Variants in CAPRIN1 observed in about 807,000 individuals in gnomAD.
CAPRIN1 encodes the protein caprin-1.
Under a neutral mutation model 100.9 loss-of-function variants are expected in CAPRIN1, and 29 were observed. The observed-to-expected ratio is 0.29, with a 90% CI of 0.21 to 0.39. The LOEUF is 0.39. Among genes scored for constraint, CAPRIN1 ranks in the 10% least tolerant of loss-of-function variants. The pLI, the probability that CAPRIN1 is intolerant of heterozygous loss-of-function variation, is 1.00. For missense variants in CAPRIN1, 795 were observed against 876.7 expected (o/e 0.91, Z 1.18); for synonymous variants, 338 against 307.5 (o/e 1.10, Z -1.04).
chr11:34,083,449 C>G (rs998300560), intron 9 of CAPRIN1, among the ~76,000 whole-genome samples: 3 of 152,176 alleles, frequency 2.0e-5, no homozygotes, highest in Admixed American at 1.3e-4. Context: ...AATGCTGTCT[C>G]TCAACTGATA....
At chr11:34,080,402 A>G (rs1163493682) in intron 7 of CAPRIN1, among the ~76,000 whole-genome samples, 2 of 152,150 alleles carry the variant, frequency 1.3e-5, no homozygotes, top group African/African-American at 4.8e-5. Flanking sequence ...GGATTTTCAA[A>G]TAGGTTTCTG....
In CAPRIN1 at chr11:34,090,411, T is replaced by A. The variant is rs1851239304; in HGVS notation, c.1405-118T>A. 22 of 1,325,070 alleles carry A rather than the reference T, an allele frequency of 1.7e-5. No individual in the cohort carries two copies. The South Asian group carries it at 2.6e-4, about 15-fold the overall frequency. The allele number at this position is 1,325,070 out of a possible 1,614,324, so 82.1% of individuals were successfully genotyped here. ...GACCTACTTTGCTTTCATGAAATAT[T>A]TGAGTTTGTTAATACATATAAGTTT... On this transcript the variant is annotated intron_variant, in intron 13 of 18. Coordinates refer to ENST00000341394, the MANE Select transcript of CAPRIN1 (RefSeq NM_005898.5).
intron 2 of CAPRIN1, among the ~76,000 whole-genome samples, chr11:34,060,947 TTAGACTTTTTAAGAATATAGTTCAAA>T (rs1483215991): frequency 3.3e-5 from 5 of 152,320 alleles, no homozygotes; most frequent in African/African-American, 9.6e-5. Flanking sequence ...TCTAGAAGCT[TTAGACTTTTTAAGAATATAGTTCAAA>T]GTAGGTGATG....
At chr11:34,099,049 TGAATG>T in intron 18 of CAPRIN1, 1 of 1,339,662 alleles carries the variant, frequency 7.5e-7, no homozygotes, top group Non-Finnish European at 9.6e-7. Context: ...AAATATTTGT[TGAATG>T]AATGAATGAA....
At chr11:34,055,103 G>A (rs541620800) in intron 2 of CAPRIN1, among the ~76,000 whole-genome samples, 2 of 152,036 alleles carry the variant, frequency 1.3e-5, no homozygotes, top group African/African-American at 4.8e-5. Flanking sequence ...ATGTGTATAG[G>A]TGTATGTGAA....
intron 18 of CAPRIN1, chr11:34,098,791 AT>A (rs1343047805): frequency 1.0e-6 from 1 of 984,480 alleles, no homozygotes; most frequent in Admixed American, 6.1e-5. Flanking sequence ...AAGTTATTTT[AT>A]CTGTTAAAAG....
rs762864960 is a variant in CAPRIN1, at chr11:34,090,158, T to C, written c.1294-21T>C. On this transcript the variant is annotated intron_variant, in intron 12 of 18. Transcript: ENST00000341394. ...AATTTTGTAAGCAGGAAGAAGCTTT[T>C]ATTTCTTTACTTATGTCTAGGTTCC... The C allele has an allele frequency of 2.6e-6, 4 of 1,513,154 alleles. No individual in the cohort carries two copies. The South Asian group carries it at 4.6e-5, about 17-fold the overall frequency. The allele number at this position is 1,513,154 out of a possible 1,614,324, so 93.7% of individuals were successfully genotyped here.
chr11:34,052,760 C>T (rs1850353161), intron 2 of CAPRIN1, 124 bp downstream of exon 2: 2 of 1,394,218 alleles, frequency 1.4e-6, no homozygotes, highest in African/African-American at 3.0e-5. Context: ...CCTCCTCCCA[C>T]CCCCTGGCCC....
intron 2 of CAPRIN1, among the ~76,000 whole-genome samples, chr11:34,054,198 A>C (rs955527061): frequency 1.3e-5 from 2 of 151,964 alleles, no homozygotes; most frequent in African/African-American, 4.8e-5. Context: ...TGGAAGTTTT[A>C]CTTGAATTTC....
intron 2 of CAPRIN1, among the ~76,000 whole-genome samples, chr11:34,054,996 T>G (rs942590384): frequency 1.3e-5 from 2 of 152,036 alleles, no homozygotes; most frequent in South Asian, 4.2e-4. Flanking sequence ...AGTTGTGAGG[T>G]GGCTGTTAGA....
chr11:34,052,562 G>A lies in CAPRIN1; in HGVS notation c.142G>A (p.Ala48Thr), dbSNP rs767288268. Reference sequence around the variant, plus strand: ...TCAGCACCCCGCAACCGGCACCGGCGCTGTCCAGACCGAGGCCATGAAGCA... The same window carrying A: ...TCAGCACCCCGCAACCGGCACCGGCACTGTCCAGACCGAGGCCATGAAGCA... ...ASQHPATGTG[A>T]VQTEAMKQIL... Residue 48 changes from alanine (A) to threonine (T), a missense_variant, in exon 2 of 19, where the codon GCT becomes ACT. Coordinates refer to ENST00000341394, the MANE Select transcript of CAPRIN1 (RefSeq NM_005898.5). The A allele has an allele frequency of 6.2e-7, 1 of 1,610,144 alleles. No homozygotes were observed. The highest frequency in any genetic ancestry group is 8.5e-7 in the Non-Finnish European group (1 of 1,178,838).
chr11:34,089,374 A>T, intron 11 of CAPRIN1, 21 bp from the exon 12 acceptor site: 1 of 1,530,272 alleles, frequency 6.5e-7, no homozygotes, highest in Non-Finnish European at 8.9e-7. Flanking sequence ...TTTGACAAAA[A>T]TGTTTTGGTC....
intron 2 of CAPRIN1, among the ~76,000 whole-genome samples, chr11:34,059,109 A>G (rs1029635060): frequency 6.6e-6 from 1 of 152,210 alleles, no homozygotes; most frequent in Non-Finnish European, 1.5e-5. Context: ...TAGATAGACT[A>G]TGAGTACAAA....
At chr11:34,055,276 G>T (rs552586015) in intron 2 of CAPRIN1, among the ~76,000 whole-genome samples, 1 of 151,940 alleles carries the variant, frequency 6.6e-6, no homozygotes, top group African/African-American at 2.4e-5. Flanking sequence ...TGATCCTCCC[G>T]CTTCAGCCTC....
chr11:34,084,146 G>T (rs1851090245), intron 9 of CAPRIN1, among the ~76,000 whole-genome samples: 1 of 151,968 alleles, frequency 6.6e-6, no homozygotes, highest in African/African-American at 2.4e-5. Context: ...TAGAGATGGG[G>T]TTTCACCATT....
At chr11:34,076,026 T>G (rs926909365) in intron 4 of CAPRIN1, among the ~76,000 whole-genome samples, 2 of 152,196 alleles carry the variant, frequency 1.3e-5, no homozygotes, top group African/African-American at 4.8e-5. Flanking sequence ...GTAAAATACC[T>G]TCTAGGGAAA....
intron 2 of CAPRIN1, among the ~76,000 whole-genome samples, chr11:34,064,806 G>C (rs186736548): frequency 2.6e-5 from 4 of 152,036 alleles, no homozygotes; most frequent in African/African-American, 9.7e-5. Context: ...GATCATAAAC[G>C]AGTGTTCTCT....
chr11:34,065,229 T>C (rs1342509214), intron 2 of CAPRIN1, among the ~76,000 whole-genome samples: 1 of 152,198 alleles, frequency 6.6e-6, no homozygotes, highest in Non-Finnish European at 1.5e-5. Flanking sequence ...CCCAAAGTGC[T>C]GGGATTACAG....
chr11:34,087,641 T>A (rs528607282), intron 11 of CAPRIN1, among the ~76,000 whole-genome samples: 2 of 152,166 alleles, frequency 1.3e-5, no homozygotes, highest in African/African-American at 4.8e-5. Context: ...CTCTCACATT[T>A]CTATCAAGAG....
Sources: allele counts gnomAD v4.1 joint callset (sites outside exome capture counted in the v4.1 genomes callset), GRCh38; gene constraint gnomAD v4.1.1; transcripts MANE v1.5; gene names NCBI Gene and HGNC (gene_info 2026-07-23, HGNC 2026-07-21).